The following SAMD12 variants were observed in gnomAD, a reference collection of about 807,000 sequenced individuals.
SAMD12 encodes sterile alpha motif domain containing 12, also known as sterile alpha motif domain-containing protein 12.
Under a neutral mutation model 15.0 loss-of-function variants are expected in SAMD12, and 9 were observed. That is an observed-to-expected ratio of 0.60 (90% CI 0.36 to 1.05). The LOEUF is 1.05. Ranked by LOEUF, SAMD12 falls within the 50% of genes least tolerant of loss-of-function variation. The probability of loss-of-function intolerance (pLI) is 0.01; values close to 1 mark genes in which losing one functional copy is unlikely to be tolerated. For missense variants in SAMD12, 230 were observed against 234.2 expected (o/e 0.98, Z 0.12); for synonymous variants, 86 against 90.1 (o/e 0.96, Z 0.25).
chr8:118,503,297 G>A (rs998896961), intron 2 of SAMD12, among the ~76,000 whole-genome samples: 4 of 152,174 alleles, frequency 2.6e-5, no homozygotes, highest in African/African-American at 9.7e-5. Context: ...TCTCCTACCA[G>A]TAGTGCATTA....
At chr8:118,218,142 G>A (rs1159511964) in intron 4 of SAMD12, among the ~76,000 whole-genome samples, 1 of 152,094 alleles carries the variant, frequency 6.6e-6, no homozygotes, top group Admixed American at 6.5e-5. Flanking sequence ...ATTGCTATGA[G>A]GGCTTAAACT....
chr8:118,175,442 T>C, the SAMD12 span, among the ~76,000 whole-genome samples: 1 of 152,210 alleles, frequency 6.6e-6, no homozygotes, highest in Non-Finnish European at 1.5e-5. Context: ...GGCAAAGACT[T>C]CATGACAAAG....
chr8:118,537,919 G>A (rs908220065), intron 2 of SAMD12, among the ~76,000 whole-genome samples: 3 of 152,174 alleles, frequency 2.0e-5, no homozygotes, highest in Non-Finnish European at 4.4e-5. Flanking sequence ...GTCTGGGCTT[G>A]TTTGTACTCA....
intron 4 of SAMD12, among the ~76,000 whole-genome samples, chr8:118,301,388 TA>T: frequency 6.6e-6 from 1 of 152,306 alleles, no homozygotes; most frequent in South Asian, 2.1e-4. Flanking sequence ...TCTTCCTTAT[TA>T]AAATGCTCAC....
chr8:118,562,685 C>T (rs1826739477), intron 2 of SAMD12, among the ~76,000 whole-genome samples: 1 of 152,176 alleles, frequency 6.6e-6, no homozygotes, highest in African/African-American at 2.4e-5. Context: ...TCACAGCATG[C>T]ACGATGCAGT....
chr8:118,510,396 C>G (rs115674369), intron 2 of SAMD12, among the ~76,000 whole-genome samples: 3 of 152,006 alleles, frequency 2.0e-5, no homozygotes, highest in African/African-American at 7.3e-5. Flanking sequence ...TTTAATTGTT[C>G]GGGACCACAA....
chr8:118,500,142 G>A lies in SAMD12; in HGVS notation c.193-60181C>T, dbSNP rs555798474. Among the ~76,000 whole-genome samples the A allele has an allele frequency of 3.6e-5, 5 of 139,706 alleles. No homozygotes were observed. The East Asian group carries it at 6.3e-4, about 18-fold the overall frequency. 91.7% of individuals were successfully genotyped at this position (139,706 alleles called of 152,430 possible). A position where few individuals can be genotyped will look rare whatever the true frequency, so the allele number is the denominator to read the frequency against. On this transcript the variant is annotated intron_variant, in intron 2 of 3. Coordinates refer to ENST00000314727, the MANE Select transcript of SAMD12 (RefSeq NM_207506.3). Reference sequence around the variant, plus strand: ...TGCCCAGGCTGGAGGGCAATGGCGCGATCTTGGCTCACTGCAACCTCTGCC... The same window carrying A: ...TGCCCAGGCTGGAGGGCAATGGCGCAATCTTGGCTCACTGCAACCTCTGCC...
intron 3 of SAMD12, among the ~76,000 whole-genome samples, chr8:118,416,943 A>T (rs1191011903): frequency 1.3e-5 from 2 of 152,240 alleles, no homozygotes; most frequent in Non-Finnish European, 2.9e-5. Flanking sequence ...TGGGGAAAAA[A>T]ATGCAGCAGA....
chr8:118,159,598 C>G, the SAMD12 span, among the ~76,000 whole-genome samples: 1 of 152,164 alleles, frequency 6.6e-6, no homozygotes, highest in Non-Finnish European at 1.5e-5. Context: ...GATCCTGTGA[C>G]AGTCTAATTC....
intron 2 of SAMD12, among the ~76,000 whole-genome samples, chr8:118,526,410 G>A (rs1303790140): frequency 6.6e-6 from 1 of 152,112 alleles, no homozygotes; most frequent in Non-Finnish European, 1.5e-5. Flanking sequence ...TACAATTGCA[G>A]AGTCTTTGGT....
intron 4 of SAMD12, among the ~76,000 whole-genome samples, chr8:118,227,786 G>A (rs12680308): frequency 0.53 from 80,679 of 152,058 alleles, 25,986 homozygotes; most frequent in Non-Finnish European, 0.74. Context: ...AAGAGAAAGC[G>A]AAGTGACCCA....
chr8:118,409,720 T>A (rs572276108), intron 3 of SAMD12, among the ~76,000 whole-genome samples: 11 of 151,904 alleles, frequency 7.2e-5, no homozygotes, highest in Non-Finnish European at 1.0e-4. Flanking sequence ...CCTGGCTAAA[T>A]GGCTTATAAT....
At chr8:118,568,368 G>T (rs1332962430) in intron 2 of SAMD12, among the ~76,000 whole-genome samples, 1 of 152,116 alleles carries the variant, frequency 6.6e-6, no homozygotes, top group Non-Finnish European at 1.5e-5. Context: ...ATGACAGGAG[G>T]GACTTGCCAA....
At chr8:118,458,718 A>G (rs1823328827) in intron 2 of SAMD12, among the ~76,000 whole-genome samples, 2 of 152,194 alleles carry the variant, frequency 1.3e-5, no homozygotes, top group Admixed American at 6.5e-5. Context: ...CACTGCAAGC[A>G]AGGTAATGCC....
At chr8:118,530,679 T>G (rs1206200861) in intron 2 of SAMD12, among the ~76,000 whole-genome samples, 1 of 152,262 alleles carries the variant, frequency 6.6e-6, no homozygotes, top group African/African-American at 2.4e-5. Context: ...TTATTTCTTT[T>G]GCTGTGCAGA....
chr8:118,581,473 G>A (rs939222594), intron 1 of SAMD12, among the ~76,000 whole-genome samples: 8 of 152,128 alleles, frequency 5.3e-5, no homozygotes, highest in African/African-American at 1.9e-4. Flanking sequence ...CAAAAGGACT[G>A]GTGATTTTCA....
chr8:118,321,151 ATAT>A (rs1481954653), intron 4 of SAMD12, among the ~76,000 whole-genome samples: 1 of 19,468 alleles, frequency 5.1e-5, no homozygotes, highest in Admixed American at 4.3e-4. Context: ...ATAAATATAT[ATAT>A]ATATATATAT....
At chr8:118,270,725 T>C (rs1321309144) in intron 4 of SAMD12, among the ~76,000 whole-genome samples, 2 of 152,160 alleles carry the variant, frequency 1.3e-5, no homozygotes, top group Admixed American at 1.3e-4. Context: ...AATGACACAG[T>C]CATAAGACAA....
chr8:118,582,633 AACTC>A (rs1157240155), intron 1 of SAMD12, among the ~76,000 whole-genome samples: 1 of 152,156 alleles, frequency 6.6e-6, no homozygotes, highest in Non-Finnish European at 1.5e-5. Flanking sequence ...CTTCATGAAA[AACTC>A]TGAGACATAA....
Sources: gnomAD v4.1 joint callset for allele counts (sites outside exome capture counted in the v4.1 genomes callset) on GRCh38, gnomAD v4.1.1 for gene constraint, MANE v1.5 for transcripts, NCBI Gene and HGNC (gene_info 2026-07-23, HGNC 2026-07-21) for gene names.